Variants in SRGAP1 observed in about 807,000 individuals in gnomAD.
The protein encoded by SRGAP1 is SLIT-ROBO Rho GTPase activating protein 1.
Under a neutral mutation model 121.9 loss-of-function variants are expected in SRGAP1, and 43 were observed. That is an observed-to-expected ratio of 0.35 (90% CI 0.28 to 0.46). The LOEUF is 0.46. Among genes scored for constraint, SRGAP1 ranks in the 20% least tolerant of loss-of-function variants. The probability of loss-of-function intolerance (pLI) is 1.00; values close to 1 mark genes in which losing one functional copy is unlikely to be tolerated. For missense variants in SRGAP1, 1,102 were observed against 1,350.9 expected (o/e 0.82, Z 2.89); for synonymous variants, 447 against 485.4 (o/e 0.92, Z 1.04).
chr12:63,960,894 G>T (rs903868198), intron 1 of SRGAP1, among the ~76,000 whole-genome samples: 1 of 152,150 alleles, frequency 6.6e-6, no homozygotes, highest in Non-Finnish European at 1.5e-5. Context: ...ACAGCCTCCA[G>T]AAGTCGCTAG....
At position 64,148,725 on chromosome 12, in the gene SRGAP1, A is replaced by G. The variant is rs1051358918; in HGVS notation, c.*6053A>G. Reference sequence around the variant, plus strand: ...TTAAAAAATGACAGGCAAATCAAGGAAAAACACTTTTTATTAAAGTGCAGA... The same window carrying G: ...TTAAAAAATGACAGGCAAATCAAGGGAAAACACTTTTTATTAAAGTGCAGA... On this transcript the variant is annotated 3_prime_UTR_variant, in exon 22 of 22. Coordinates refer to ENST00000355086, the MANE Select transcript of SRGAP1 (RefSeq NM_020762.4). 2.6e-5 allele frequency: 4 copies of G among 152,244 alleles called. No homozygotes were observed. The highest frequency in any genetic ancestry group is 9.6e-5 in the African/African-American group (4 of 41,468). The allele number at this position is 152,244 out of a possible 1,614,324, so 9.4% of individuals were successfully genotyped here.
chr12:64,103,610 T>C (rs1170997526), intron 15 of SRGAP1, among the ~76,000 whole-genome samples: 1 of 152,234 alleles, frequency 6.6e-6, no homozygotes, highest in Non-Finnish European at 1.5e-5. Flanking sequence ...GGTAGTTTTC[T>C]CTCTGAATTC....
chr12:64,058,955 A>C (rs1354320932), intron 6 of SRGAP1, among the ~76,000 whole-genome samples: 1 of 152,174 alleles, frequency 6.6e-6, no homozygotes, highest in Non-Finnish European at 1.5e-5. Flanking sequence ...AGAAGTAACA[A>C]AATTAAGCCA....
intron 15 of SRGAP1, among the ~76,000 whole-genome samples, chr12:64,104,906 T>A (rs1188700818): frequency 6.8e-6 from 1 of 147,876 alleles, no homozygotes; most frequent in Admixed American, 6.6e-5. Flanking sequence ...AAAATATATA[T>A]ATATATAAAA....
chr12:63,856,293 TAAAA>T (rs531092243), intron 1 of SRGAP1, among the ~76,000 whole-genome samples: 4 of 144,142 alleles, frequency 2.8e-5, no homozygotes, highest in Non-Finnish European at 6.0e-5. Flanking sequence ...AATAAATAAA[TAAAA>T]AGATCCTCTT....
chr12:64,125,539 GGTGATT>G (rs2036673367), intron 18 of SRGAP1, among the ~76,000 whole-genome samples: 1 of 152,058 alleles, frequency 6.6e-6, no homozygotes, highest in African/African-American at 2.4e-5. Flanking sequence ...GTTCTGAGAT[GGTGATT>G]TTTTTCCATG....
At chr12:64,004,586 G>A (rs2034019316) in intron 3 of SRGAP1, among the ~76,000 whole-genome samples, 1 of 152,116 alleles carries the variant, frequency 6.6e-6, no homozygotes, top group African/African-American at 2.4e-5. Context: ...TGGCCAAGAT[G>A]GTCTTGATCT....
At chr12:63,966,801 G>A (rs1031307266) in intron 1 of SRGAP1, among the ~76,000 whole-genome samples, 2 of 152,188 alleles carry the variant, frequency 1.3e-5, no homozygotes, top group Non-Finnish European at 2.9e-5. Context: ...GAGGAAATGG[G>A]TAAGTAAATC....
intron 1 of SRGAP1, among the ~76,000 whole-genome samples, chr12:63,875,203 T>C (rs1899990423): frequency 1.3e-5 from 2 of 152,302 alleles, no homozygotes; most frequent in South Asian, 4.1e-4. Context: ...TCATGAGCAG[T>C]CCTTAAAGAC....
intron 21 of SRGAP1, among the ~76,000 whole-genome samples, chr12:64,133,379 C>T (rs1281726021): frequency 6.6e-6 from 1 of 152,134 alleles, no homozygotes; most frequent in East Asian, 1.9e-4. Context: ...CAGGAGAAGT[C>T]TGGGGACCCA....
At chr12:63,973,572 A>G (rs574207009) in intron 1 of SRGAP1, among the ~76,000 whole-genome samples, 2 of 152,350 alleles carry the variant, frequency 1.3e-5, no homozygotes, top group East Asian at 3.9e-4. Context: ...TAGGAAATCA[A>G]TAAATATTCT....
chr12:63,926,037 A>G (rs2031249366), intron 1 of SRGAP1, among the ~76,000 whole-genome samples: 2 of 152,236 alleles, frequency 1.3e-5, no homozygotes, highest in Non-Finnish European at 2.9e-5. Flanking sequence ...CCCAGTTTCA[A>G]GAGGATTTCC....
chr12:64,141,824 A>G (rs1353370182), intron 21 of SRGAP1, among the ~76,000 whole-genome samples: 1 of 151,766 alleles, frequency 6.6e-6, no homozygotes, highest in Non-Finnish European at 1.5e-5. Context: ...GGTAGCACAC[A>G]CCTGTGGTCC....
intron 3 of SRGAP1, among the ~76,000 whole-genome samples, chr12:64,001,950 C>A (rs1351712120): frequency 6.6e-6 from 1 of 152,166 alleles, no homozygotes; most frequent in Non-Finnish European, 1.5e-5. Flanking sequence ...ACACTGAATA[C>A]CCGCAGCAGT....
intron 1 of SRGAP1, among the ~76,000 whole-genome samples, chr12:63,849,850 T>C (rs1899018033): frequency 6.6e-6 from 1 of 152,206 alleles, no homozygotes; most frequent in South Asian, 2.1e-4. Flanking sequence ...GGTTATCTTC[T>C]TTTCAGTAGC....
chr12:64,032,933 G>A (rs933315131), intron 4 of SRGAP1, among the ~76,000 whole-genome samples: 1 of 151,974 alleles, frequency 6.6e-6, no homozygotes, highest in Non-Finnish European at 1.5e-5. Flanking sequence ...CAAAGTATGT[G>A]TAGAGGGAAA....
chr12:63,946,219 T>C (rs1348104331), intron 1 of SRGAP1, among the ~76,000 whole-genome samples: 2 of 152,128 alleles, frequency 1.3e-5, no homozygotes, highest in East Asian at 3.9e-4. Flanking sequence ...TTCTCCTTTA[T>C]GTTACCATTG....
At chr12:63,948,876 T>C (rs1428808176) in intron 1 of SRGAP1, among the ~76,000 whole-genome samples, 1 of 122,096 alleles carries the variant, frequency 8.2e-6, no homozygotes, top group Non-Finnish European at 1.7e-5. Flanking sequence ...TCCATATATA[T>C]ATTTTCCATA....
chr12:63,925,585 CAT>C (rs1273869718), intron 1 of SRGAP1, among the ~76,000 whole-genome samples: 3 of 152,010 alleles, frequency 2.0e-5, no homozygotes, highest in Non-Finnish European at 4.4e-5. Flanking sequence ...TGAGAATTTG[CAT>C]ATGTTACTTA....
Sources: gnomAD v4.1 joint callset for allele counts (sites outside exome capture counted in the v4.1 genomes callset) on GRCh38, gnomAD v4.1.1 for gene constraint, MANE v1.5 for transcripts, NCBI Gene and HGNC (gene_info 2026-07-23, HGNC 2026-07-21) for gene names.